The following TPD52L1 variants were observed in gnomAD, a reference collection of about 807,000 sequenced individuals.
TPD52L1 encodes tumor protein D53.
A neutral mutation model predicts 28.7 loss-of-function variants in TPD52L1; 18 were observed. The ratio of observed to expected loss-of-function variants is 0.63; its 90% CI spans 0.43 to 0.93. TPD52L1 has a LOEUF of 0.93. Among genes scored for constraint, TPD52L1 ranks in the 40% least tolerant of loss-of-function variants. TPD52L1 has a pLI of 0.00. For synonymous variants in TPD52L1, 75 were observed against 88.8 expected, an observed-to-expected ratio of 0.84 and a Z score of 0.88; for missense variants, 203 against 254.8, an observed-to-expected ratio of 0.80 and a Z score of 1.39.
rs267600791 is a variant in TPD52L1, at chr6:125,262,836, G to A, written c.489G>A (p.Thr163=). ...TTTTGTGGATCTGCTCATTTCAGAC[G>A]AAAGTAGGCGGTACGAACCCTAATG... The part of the protein sequence containing the change: ...RVETTVTSLK[T]KVGGTNPNGG... The change falls in exon 7 of 7, where the codon ACG becomes ACA. Residue 163 remains threonine, a splice_region_variant and synonymous_variant. Transcript: ENST00000534000. 9.9e-6 allele frequency: 16 copies of A among 1,610,546 alleles called. No individual in the cohort carries two copies. Among genetic ancestry groups the A allele is most frequent in the East Asian group, 4.5e-5 (2 of 44,864 alleles).
chr6:125,156,475 AAAAAAGAG>A (rs1251648244), intron 1 of TPD52L1, among the ~76,000 whole-genome samples: 1 of 130,342 alleles, frequency 7.7e-6, no homozygotes, highest in African/African-American at 2.9e-5. Context: ...AAAAAAAAAA[AAAAAAGAG>A]AGAGATACAA....
chr6:125,217,813 G>A (rs561161878), intron 1 of TPD52L1, among the ~76,000 whole-genome samples: 1 of 152,164 alleles, frequency 6.6e-6, no homozygotes, highest in Non-Finnish European at 1.5e-5. Flanking sequence ...TTAGTTTTGT[G>A]TGCTTTTGTA....
At chr6:125,179,988 G>T (rs968957229) in intron 1 of TPD52L1, among the ~76,000 whole-genome samples, 1 of 152,140 alleles carries the variant, frequency 6.6e-6, no homozygotes, top group African/African-American at 2.4e-5. Flanking sequence ...ACTTCAACTA[G>T]AAAACTTACT....
chr6:125,250,516 T>C (rs949952010), intron 4 of TPD52L1, among the ~76,000 whole-genome samples: 7 of 152,296 alleles, frequency 4.6e-5, no homozygotes, highest in Admixed American at 4.6e-4. Context: ...ACTCAAAAAA[T>C]TGCAGTTTTT....
At chr6:125,233,872 T>C (rs1796102234) in intron 3 of TPD52L1, among the ~76,000 whole-genome samples, 1 of 152,238 alleles carries the variant, frequency 6.6e-6, no homozygotes, top group Non-Finnish European at 1.5e-5. Flanking sequence ...AAGTGGACTT[T>C]GCATGAAAAG....
intron 1 of TPD52L1, among the ~76,000 whole-genome samples, chr6:125,155,616 A>G (rs1157443453): frequency 1.3e-5 from 2 of 152,238 alleles, no homozygotes; most frequent in Non-Finnish European, 2.9e-5. Context: ...ACAGTAGAGG[A>G]AGAGACAAAT....
chr6:125,172,541 T>TATATATATAATATATATATATATATA (rs1791531679), intron 1 of TPD52L1, among the ~76,000 whole-genome samples: 1 of 95,134 alleles, frequency 1.1e-5, no homozygotes, highest in African/African-American at 4.8e-5. Context: ...TATATATATA[T>TATATATATAATATATATATATATATA]ATATATATAT....
chr6:125,159,067 C>G lies in TPD52L1; in HGVS notation c.19+5097C>G, dbSNP rs117845035. ...GCTGACTGATCCGAATGGTGGTTGC[C>G]GAAGGCTGAGGTGGCTGTGGCAATT... On this transcript the variant is annotated intron_variant, in intron 1 of 6. Transcript: ENST00000534000. Among the ~76,000 whole-genome samples the G allele has an allele frequency of 9.5e-4, 144 of 152,188 alleles. 3 individuals are homozygous for G. In the East Asian group the frequency reaches 0.025, roughly 27 times the overall value.
chr6:125,156,391 A>T (rs1226533911), intron 1 of TPD52L1, among the ~76,000 whole-genome samples: 1 of 150,070 alleles, frequency 6.7e-6, no homozygotes, highest in Non-Finnish European at 1.5e-5. Flanking sequence ...GCTTGAGGTC[A>T]GAAGTTTGTG....
At chr6:125,201,846 A>G (rs576784602) in intron 1 of TPD52L1, among the ~76,000 whole-genome samples, 1 of 152,312 alleles carries the variant, frequency 6.6e-6, no homozygotes, top group Admixed American at 6.5e-5. Context: ...ACATATTTCC[A>G]TCTCCTTTAG....
At chr6:125,185,364 A>G (rs1051304795) in intron 1 of TPD52L1, among the ~76,000 whole-genome samples, 5 of 152,220 alleles carry the variant, frequency 3.3e-5, no homozygotes, top group Non-Finnish European at 7.3e-5. Context: ...GCCATGAAAC[A>G]TTTAGAAAAA....
Position 125,172,530 on chromosome 6 carries a change from A to ATATATAT in TPD52L1, c.19+18561_19+18567dup, listed in dbSNP as rs1554202642. ...TTTCATGCTATATATATATATATAT[A>ATATATAT]TATATATATATATATATATATAATA... On this transcript the variant is annotated intron_variant, in intron 1 of 6. Transcript: ENST00000534000. 6.0e-3 allele frequency among the ~76,000 whole-genome samples: 518 copies of ATATATAT among 86,674 alleles called. 15 individuals are homozygous for ATATATAT. The highest frequency in any genetic ancestry group is 9.0e-3 in the Non-Finnish European group (437 of 48,388). 56.9% of individuals were successfully genotyped at this position (86,674 alleles called of 152,430 possible).
chr6:125,171,767 G>T (rs907671666), intron 1 of TPD52L1, among the ~76,000 whole-genome samples: 1 of 152,158 alleles, frequency 6.6e-6, no homozygotes, highest in African/African-American at 2.4e-5. Flanking sequence ...ATGAGACCCT[G>T]GGCAGAGGAC....
At chr6:125,216,529 G>GTGTGTATATATATA (rs1314530488) in intron 1 of TPD52L1, among the ~76,000 whole-genome samples, 1 of 69,076 alleles carries the variant, frequency 1.4e-5, no homozygotes, top group African/African-American at 8.5e-5. Context: ...GTATGTGTGT[G>GTGTGTATATATATA]TATATATATA....
intron 4 of TPD52L1, among the ~76,000 whole-genome samples, chr6:125,250,097 T>C (rs183949790): frequency 2.9e-4 from 44 of 152,276 alleles, no homozygotes; most frequent in Non-Finnish European, 3.7e-4. Context: ...CTCTATAACC[T>C]GTTATACCCA....
In TPD52L1 at chr6:125,263,206, GCAGGTA is replaced by G. The variant is rs549672122; in HGVS notation, c.*247_*252del. On this transcript the variant is annotated 3_prime_UTR_variant, in exon 7 of 7. Coordinates refer to ENST00000534000, the MANE Select transcript of TPD52L1 (RefSeq NM_003287.4). ...CACATTTTAAAATGTTCCCACTTGA[GCAGGTA>G]CACAACTGGTCATAATTCCTGTCTG... 1 of 509,876 alleles carries G rather than the reference GCAGGTA, an allele frequency of 2.0e-6. No individual in the cohort carries two copies. Among genetic ancestry groups the G allele is most frequent in the Non-Finnish European group, 3.5e-6 (1 of 288,906 alleles). 31.6% of individuals were successfully genotyped at this position (509,876 alleles called of 1,614,324 possible).
At chr6:125,260,364 C>T (rs1022725368) in intron 6 of TPD52L1, 3 of 152,156 alleles carry the variant, frequency 2.0e-5, no homozygotes, top group Admixed American at 1.3e-4. Flanking sequence ...ACTAAGCTGA[C>T]CACTTTCTTT....
intron 1 of TPD52L1, among the ~76,000 whole-genome samples, chr6:125,188,772 A>C (rs1792832048): frequency 6.6e-6 from 1 of 152,184 alleles, no homozygotes; most frequent in Non-Finnish European, 1.5e-5. Context: ...GACTCCTATC[A>C]AAGTGGCATG....
chr6:125,156,713 G>C (rs1192722838), intron 1 of TPD52L1, among the ~76,000 whole-genome samples: 1 of 152,052 alleles, frequency 6.6e-6, no homozygotes, highest in Non-Finnish European at 1.5e-5. Flanking sequence ...AGGCAGCCGT[G>C]AGCTGTGATT....
Sources: allele counts gnomAD v4.1 joint callset (sites outside exome capture counted in the v4.1 genomes callset), GRCh38; gene constraint gnomAD v4.1.1; transcripts MANE v1.5; gene names NCBI Gene and HGNC (gene_info 2026-07-23, HGNC 2026-07-21).